INSL6: variants seen among roughly 807,000 people sequenced by gnomAD.
INSL6 encodes insulin like 6.
A neutral mutation model predicts 9.4 loss-of-function variants in INSL6; 16 were observed. That is an observed-to-expected ratio of 1.70 (90% confidence interval 1.15 to 2.59). The LOEUF is 2.59. Among genes scored for constraint, INSL6 ranks in the 30% most tolerant of loss-of-function variants. The pLI is 0.00. For missense variants in INSL6, 391 were observed against 257.3 expected (o/e 1.52, Z -3.56); for synonymous variants, 154 against 96.9 (o/e 1.59, Z -3.46).
the INSL6 span, chr9:5,100,744 G>T: frequency 6.6e-6 from 1 of 152,164 alleles, no homozygotes; most frequent in Non-Finnish European, 1.5e-5. Flanking sequence ...ATTACCTTAG[G>T]TATTTACTTC....
chr9:5,129,291 A>G (rs1036479371), intron 3 of INSL6, among the ~76,000 whole-genome samples: 5 of 152,084 alleles, frequency 3.3e-5, no homozygotes, highest in African/African-American at 1.2e-4. Context: ...AATATTCAGA[A>G]GCGATTTTCT....
chr9:5,061,976 A>G, the INSL6 span, among the ~76,000 whole-genome samples: 1 of 152,204 alleles, frequency 6.6e-6, no homozygotes, highest in Non-Finnish European at 1.5e-5. Context: ...GGGAAAAAGA[A>G]AGGGAAATAG....
At chr9:5,152,182 AAAGC>A (rs1203650741) in intron 2 of INSL6, among the ~76,000 whole-genome samples, 3 of 152,226 alleles carry the variant, frequency 2.0e-5, no homozygotes, top group African/African-American at 7.2e-5. Flanking sequence ...AGAGAACAAG[AAAGC>A]AAGATCAGTA....
chr9:5,041,328 A>G, the INSL6 span: 1 of 708,698 alleles, frequency 1.4e-6, no homozygotes, highest in East Asian at 2.7e-5. Flanking sequence ...AGCCAGCACA[A>G]GAGCTTGACA....
At chr9:5,054,919 T>C in the INSL6 span, 1 of 1,417,258 alleles carries the variant, frequency 7.1e-7, no homozygotes, top group African/African-American at 1.4e-5. This position sits in a 1 kb window ranked among gnomAD's most constrained non-coding sequence, Gnocchi z 4.9. Context: ...TTCTTTGTTA[T>C]TTTAAGTACA....
the INSL6 span, chr9:5,111,553 C>T: frequency 1.1e-5 from 4 of 367,288 alleles, no homozygotes. Flanking sequence ...CCCCCTTCTA[C>T]ATGGCAGATG....
intron 3 of INSL6, chr9:5,128,231 T>G: frequency 4.3e-6 from 1 of 231,380 alleles, no homozygotes; most frequent in Non-Finnish European, 8.6e-6. Flanking sequence ...TGAAGACTTC[T>G]GATTTTGGGT....
At chr9:4,993,920 G>A in the INSL6 span, among the ~76,000 whole-genome samples, 4 of 152,126 alleles carry the variant, frequency 2.6e-5, no homozygotes, top group Non-Finnish European at 5.9e-5. Context: ...TTAGTGGATC[G>A]GTGTGTCTAA....
chr9:5,143,313 G>T (rs566024833), intron 2 of INSL6, among the ~76,000 whole-genome samples: 12 of 151,590 alleles, frequency 7.9e-5, no homozygotes, highest in African/African-American at 2.7e-4. Flanking sequence ...CTGTGAATCC[G>T]TCTGGTCCTG....
chr9:5,171,771 C>T (rs1825187174), intron 1 of INSL6, among the ~76,000 whole-genome samples: 1 of 152,068 alleles, frequency 6.6e-6, no homozygotes, highest in South Asian at 2.1e-4. Flanking sequence ...CCTATGAATA[C>T]AGTTAGCGAG....
chr9:5,039,829 CTAAA>C, the INSL6 span, among the ~76,000 whole-genome samples: 1 of 151,898 alleles, frequency 6.6e-6, no homozygotes, highest in South Asian at 2.1e-4. Context: ...AAGGAAACAC[CTAAA>C]TAAATGGAAA....
At chr9:5,028,018 C>A in the INSL6 span, among the ~76,000 whole-genome samples, 1 of 152,300 alleles carries the variant, frequency 6.6e-6, no homozygotes, top group African/African-American at 2.4e-5. Context: ...CTCTCATGAA[C>A]TACAAATGTT....
the INSL6 span, among the ~76,000 whole-genome samples, chr9:5,074,834 G>A: frequency 6.6e-6 from 1 of 151,200 alleles, no homozygotes; most frequent in Non-Finnish European, 1.5e-5. Context: ...TGATGAAGAT[G>A]GCTTAGAGAG....
At chr9:5,042,888 C>T in the INSL6 span, among the ~76,000 whole-genome samples, 1 of 152,214 alleles carries the variant, frequency 6.6e-6, no homozygotes, top group Non-Finnish European at 1.5e-5. Flanking sequence ...CGCAGCCTTT[C>T]ACAGCCTGGC....
chr9:5,114,222 C>G, the INSL6 span: 2 of 517,422 alleles, frequency 3.9e-6, no homozygotes, highest in Non-Finnish European at 3.8e-6. Flanking sequence ...CCCCTTCTAC[C>G]TGTTCATCCG....
the INSL6 span, among the ~76,000 whole-genome samples, chr9:5,093,615 G>T: frequency 6.6e-6 from 1 of 152,058 alleles, no homozygotes; most frequent in Non-Finnish European, 1.5e-5. Context: ...AAAAATTTTG[G>T]TTGGGGTGAC....
the INSL6 span, chr9:5,081,930 A>G: frequency 7.7e-7 from 1 of 1,292,638 alleles, no homozygotes; most frequent in Non-Finnish European, 1.1e-6. Context: ...GAGCGTTTCT[A>G]AAGTTCACTT....
At chr9:5,114,381 T>A in the INSL6 span, 1 of 522,892 alleles carries the variant, frequency 1.9e-6, no homozygotes, top group Non-Finnish European at 3.8e-6. Flanking sequence ...CACCATCACG[T>A]CCACCCTGCT....
At chr9:5,152,417 T>C (rs566952589) in intron 2 of INSL6, among the ~76,000 whole-genome samples, 3 of 152,128 alleles carry the variant, frequency 2.0e-5, no homozygotes, top group Non-Finnish European at 4.4e-5. Flanking sequence ...TAGTAAATAC[T>C]GAAACATTAG....
Sources: gnomAD v4.1 joint callset for allele counts (sites outside exome capture counted in the v4.1 genomes callset) on GRCh38, gnomAD v4.1.1 for gene constraint, Gnocchi (gnomAD v3.1) non-coding constraint, MANE v1.5 for transcripts, NCBI Gene and HGNC (gene_info 2026-07-23, HGNC 2026-07-21) for gene names.